The following SRGAP2C variants were observed in gnomAD, a reference collection of about 807,000 sequenced individuals.
SRGAP2C encodes the protein SLIT-ROBO Rho GTPase-activating protein 2C.
A neutral mutation model predicts 25.1 loss-of-function variants in SRGAP2C; 15 were observed. That is an observed-to-expected ratio of 0.60 (90% confidence interval 0.40 to 0.92). The LOEUF is 0.92. SRGAP2C is among the 40% of genes least tolerant of loss of function. The probability of loss-of-function intolerance (pLI) is 0.00; values close to 1 mark genes in which losing one functional copy is unlikely to be tolerated. For synonymous variants in SRGAP2C, 44 were observed against 96.6 expected (o/e 0.46, Z 3.19); for missense variants, 144 against 264.4 (o/e 0.54, Z 3.16).
chr1:121,281,271 G>A (rs1657236228), intron 2 of SRGAP2C, among the ~76,000 whole-genome samples: 1 of 151,490 alleles, frequency 6.6e-6, no homozygotes. Flanking sequence ...TGCCTGTATG[G>A]ATGCTTTGAA....
At chr1:121,238,253 G>T (rs1203733725) in intron 2 of SRGAP2C, among the ~76,000 whole-genome samples, 1 of 151,072 alleles carries the variant, frequency 6.6e-6, no homozygotes, top group Non-Finnish European at 1.5e-5. Context: ...CCAAAGAAAA[G>T]AAAGGAAGAG....
chr1:121,326,704 C>A (rs1393596819), intron 4 of SRGAP2C, among the ~76,000 whole-genome samples: 5 of 82,716 alleles, frequency 6.0e-5, no homozygotes, highest in African/African-American at 2.3e-4. Context: ...TAACCAGCAC[C>A]CAGATCAAGA....
rs1316663266 is a variant in SRGAP2C at position 121,315,166 on chromosome 1, A to G, written c.261-9312A>G. The G allele has an allele frequency of 1.1e-4, 46 of 401,156 alleles. 1 individual carries two copies. The highest frequency in any genetic ancestry group is 2.1e-4 in the Non-Finnish European group (45 of 211,616). The allele number at this position is 401,156 out of a possible 1,614,324, so 24.8% of individuals were successfully genotyped here. On this transcript the variant is annotated intron_variant, in intron 3 of 9. Transcript: ENST00000367123. ...CGTCTCTATTTATTTATTTTTTAAG[A>G]GACAGGTCCTATGTTACCCAGGCTG...
chr1:121,239,665 G>C (rs1656076433), intron 2 of SRGAP2C, among the ~76,000 whole-genome samples: 1 of 148,528 alleles, frequency 6.7e-6, no homozygotes, highest in African/African-American at 2.5e-5. Flanking sequence ...AATTCCAGTG[G>C]AGTAAGAAGC....
At chr1:121,337,547 G>A (rs1320152768) in intron 4 of SRGAP2C, among the ~76,000 whole-genome samples, 2 of 151,814 alleles carry the variant, frequency 1.3e-5, no homozygotes, top group Non-Finnish European at 2.9e-5. Flanking sequence ...GAGGAGAATC[G>A]CTTGAACCTG....
At position 121,324,559 on chromosome 1, in the gene SRGAP2C, C is replaced by T. The variant is rs1328933512; in HGVS notation, c.342C>T (p.Thr114=). ...NQVKWESRDH[T]TLSDIYLNNI... Reference sequence around the variant, plus strand: ...TGAAGTGGGAAAGCAGGGACCATACCACCCTGAGTGACATCTACCTGAATA... The same window carrying T: ...TGAAGTGGGAAAGCAGGGACCATACTACCCTGAGTGACATCTACCTGAATA... Residue 114 remains threonine (T), a synonymous_variant, in exon 4 of 10, where the codon ACC becomes ACT. Transcript: ENST00000367123. The T allele has an allele frequency of 6.2e-7, 1 of 1,608,106 alleles. No individual in the cohort carries two copies. Among genetic ancestry groups the T allele is most frequent in the African/African-American group, 1.3e-5 (1 of 74,736 alleles).
At chr1:121,286,265 G>T (rs1657363030) in intron 3 of SRGAP2C, among the ~76,000 whole-genome samples, 1 of 103,286 alleles carries the variant, frequency 9.7e-6, no homozygotes, top group Non-Finnish European at 2.0e-5. Flanking sequence ...ATTATTTTTA[G>T]AAATAAGGTC....
intron 3 of SRGAP2C, among the ~76,000 whole-genome samples, chr1:121,309,368 T>A (rs1657926656): frequency 6.9e-6 from 1 of 144,090 alleles, no homozygotes; most frequent in Admixed American, 7.2e-5. Flanking sequence ...AACCAACTGG[T>A]AAACTGCTGA....
chr1:121,314,373 T>G (rs1553340354), intron 3 of SRGAP2C, among the ~76,000 whole-genome samples: 230 of 152,130 alleles, frequency 1.5e-3, no homozygotes, highest in Middle Eastern at 6.8e-3. Context: ...TGGTTTGAAT[T>G]TCCTCCCGTA....
chr1:121,217,646 G>A (rs1655424204), intron 2 of SRGAP2C, among the ~76,000 whole-genome samples: 1 of 152,120 alleles, frequency 6.6e-6, no homozygotes, highest in Non-Finnish European at 1.5e-5. Context: ...TCTTTCTGCT[G>A]CTGCAGACTT....
chr1:121,198,286 T>C (rs1335002320), intron 2 of SRGAP2C, among the ~76,000 whole-genome samples: 1 of 151,624 alleles, frequency 6.6e-6, no homozygotes, highest in Non-Finnish European at 1.5e-5. Context: ...TCTTTGTTTT[T>C]TTTTTTTGTT....
intron 3 of SRGAP2C, among the ~76,000 whole-genome samples, chr1:121,292,176 C>T (rs1201875447): frequency 3.3e-5 from 5 of 151,896 alleles, no homozygotes; most frequent in African/African-American, 1.2e-4. Context: ...CAGTGAATAC[C>T]TAAAGAGTCC....
chr1:121,222,087 A>G (rs1462605409), intron 2 of SRGAP2C, among the ~76,000 whole-genome samples: 25 of 151,896 alleles, frequency 1.6e-4, no homozygotes, highest in African/African-American at 6.0e-4. Flanking sequence ...CTTAAAAACA[A>G]AAACAAAACA....
intron 2 of SRGAP2C, among the ~76,000 whole-genome samples, chr1:121,238,564 C>A (rs1398167255): frequency 1.3e-4 from 20 of 151,592 alleles, no homozygotes; most frequent in Non-Finnish European, 2.8e-4. Context: ...CAGTGGGGAA[C>A]CATGGAAATA....
At chr1:121,308,326 C>T (rs2101592792) in intron 3 of SRGAP2C, among the ~76,000 whole-genome samples, 1 of 150,086 alleles carries the variant, frequency 6.7e-6, no homozygotes, top group Non-Finnish European at 1.5e-5. Context: ...TTGAAAGTCC[C>T]TTCTAGCTCT....
At chr1:121,314,075 G>T (rs1484847073) in intron 3 of SRGAP2C, among the ~76,000 whole-genome samples, 5 of 94,208 alleles carry the variant, frequency 5.3e-5, no homozygotes, top group Non-Finnish European at 1.1e-4. Flanking sequence ...ATCAGACGTA[G>T]ATTTGGTCTT....
intron 2 of SRGAP2C, among the ~76,000 whole-genome samples, chr1:121,196,931 G>A (rs587697081): frequency 6.0e-5 from 9 of 151,206 alleles, no homozygotes; most frequent in Admixed American, 4.6e-4. Flanking sequence ...TGTCACCAGA[G>A]TGATTTTTAA....
chr1:121,346,941 G>A (rs1658760403), intron 4 of SRGAP2C, among the ~76,000 whole-genome samples: 1 of 152,060 alleles, frequency 6.6e-6, no homozygotes, highest in Admixed American at 6.6e-5. Context: ...ACTCCTTCTG[G>A]CCCATAATAC....
At chr1:121,208,238 C>T (rs1366497752) in intron 2 of SRGAP2C, among the ~76,000 whole-genome samples, 1 of 152,116 alleles carries the variant, frequency 6.6e-6, no homozygotes, top group Non-Finnish European at 1.5e-5. Flanking sequence ...AACACTGGCT[C>T]AAGTATGTTT....
Sources: allele counts gnomAD v4.1 joint callset (sites outside exome capture counted in the v4.1 genomes callset), GRCh38; gene constraint gnomAD v4.1.1; transcripts MANE v1.5; gene names NCBI Gene and HGNC (gene_info 2026-07-23, HGNC 2026-07-21).